FAM114A1: variants seen among roughly 807,000 people sequenced by gnomAD.
The protein encoded by FAM114A1 is protein NOXP20.
A neutral mutation model predicts 64.3 loss-of-function variants in FAM114A1; 62 were observed. The observed-to-expected ratio is 0.96, with a 90% confidence interval of 0.79 to 1.19. The LOEUF (loss-of-function observed/expected upper bound fraction) is 1.19, where lower values mean the gene tolerates loss of function less well. Ranked by LOEUF, FAM114A1 falls within the 50% of genes most tolerant of loss-of-function variation. The pLI is 0.00. For missense variants in FAM114A1, 645 were observed against 676.3 expected (o/e 0.95, Z 0.51); for synonymous variants, 254 against 251.1 (o/e 1.01, Z -0.11).
intron 12 of FAM114A1, among the ~76,000 whole-genome samples, chr4:38,934,842 A>C (rs867610363): frequency 6.6e-6 from 1 of 152,300 alleles, no homozygotes; most frequent in Middle Eastern, 3.4e-3. Flanking sequence ...TAAAAACATA[A>C]TCAAACTATC....
At chr4:38,920,328 G>C (rs146266505) in intron 8 of FAM114A1, among the ~76,000 whole-genome samples, 3 of 152,074 alleles carry the variant, frequency 2.0e-5, no homozygotes, top group Non-Finnish European at 4.4e-5. Flanking sequence ...AGATTTATAA[G>C]ACAGCCTCTC....
intron 4 of FAM114A1, 100 bp downstream of exon 4, chr4:38,891,930 C>A (rs1011623253): frequency 2.9e-5 from 30 of 1,019,034 alleles, no homozygotes; most frequent in Non-Finnish European, 3.8e-5. Context: ...AACATTAGCC[C>A]GTGAGCAAAC....
chr4:38,943,515 G>A lies in FAM114A1; in HGVS notation c.1650G>A (p.Gln550=). 1 of 1,614,048 alleles carries A rather than the reference G, an allele frequency of 6.2e-7. No individual in the cohort carries two copies. The highest frequency in any genetic ancestry group is 8.5e-7 in the Non-Finnish European group (1 of 1,179,974). The change falls in exon 15 of 15, where the codon CAG becomes CAA. Residue 550 remains glutamine (Q), a synonymous_variant. Coordinates refer to ENST00000358869, the MANE Select transcript of FAM114A1 (RefSeq NM_138389.4). The part of the protein sequence containing the change: ...DAFQLLLPVL[Q]VSHIQTSCLK... The stretch of plus-strand genomic sequence containing the variant: ...TCCAGCTGCTGCTGCCTGTTCTGCA[G>A]GTCTCACATATCCAGACCAGTTGTT...
rs780826343 is a variant in FAM114A1, at chr4:38,932,293, A to G, written c.1382A>G (p.Gln461Arg). The change falls in exon 12 of 15, where the codon CAG becomes CGG. Residue 461 changes from glutamine to arginine, a missense_variant. Coordinates refer to ENST00000358869, the MANE Select transcript of FAM114A1 (RefSeq NM_138389.4). ...LAEVTARCIE[Q>R]LHKVAELILH... ...GAGGTAACAGCGCGCTGTATTGAGCAGCTTCATAAAGTAGCAGAATTAATT... is the reference window on the plus strand; with the variant it reads ...GAGGTAACAGCGCGCTGTATTGAGCGGCTTCATAAAGTAGCAGAATTAATT... 7 of 1,614,002 alleles carry G rather than the reference A, an allele frequency of 4.3e-6. No homozygotes were observed. The highest frequency in any genetic ancestry group is 5.9e-6 in the Non-Finnish European group (7 of 1,179,984).
intron 2 of FAM114A1, among the ~76,000 whole-genome samples, chr4:38,872,959 T>C (rs1579283508): frequency 1.3e-5 from 2 of 152,248 alleles, no homozygotes; most frequent in African/African-American, 2.4e-5. Flanking sequence ...CTAGTCCTGA[T>C]TCAGAGAGAG....
intron 3 of FAM114A1, among the ~76,000 whole-genome samples, chr4:38,890,410 A>T (rs1219793213): frequency 1.3e-5 from 2 of 151,658 alleles, no homozygotes; most frequent in African/African-American, 4.8e-5. Flanking sequence ...TCAAAAAAAA[A>T]AACAAAAAAA....
intron 4 of FAM114A1, among the ~76,000 whole-genome samples, chr4:38,903,098 A>G (rs1717665266): frequency 6.6e-6 from 1 of 152,200 alleles, no homozygotes. Context: ...CTAACAAAAA[A>G]TTCAGAAAAA....
chr4:38,927,618 C>T (rs1720243918), intron 9 of FAM114A1, among the ~76,000 whole-genome samples: 1 of 152,126 alleles, frequency 6.6e-6, no homozygotes, highest in African/African-American at 2.4e-5. Flanking sequence ...CCCAGCTAGC[C>T]CTGTTTATAC....
At chr4:38,929,146 A>G (rs538686145) in intron 9 of FAM114A1, 96 bp from the exon 10 acceptor site, 1 of 929,974 alleles carries the variant, frequency 1.1e-6, no homozygotes, top group East Asian at 2.5e-5. Flanking sequence ...ACCTCCACTT[A>G]GTCTACCCCA....
intron 3 of FAM114A1, among the ~76,000 whole-genome samples, chr4:38,878,650 A>T (rs1714915779): frequency 6.6e-6 from 1 of 152,218 alleles, no homozygotes; most frequent in Admixed American, 6.5e-5. Flanking sequence ...GCCACCAATT[A>T]TCAGACACAA....
chr4:38,930,535 G>A (rs1055654601), intron 10 of FAM114A1, among the ~76,000 whole-genome samples: 4 of 152,092 alleles, frequency 2.6e-5, no homozygotes, highest in African/African-American at 9.7e-5. Context: ...TATTTGCTTA[G>A]GGTTAAATCT....
intron 4 of FAM114A1, among the ~76,000 whole-genome samples, chr4:38,892,121 T>A (rs552245109): frequency 1.3e-5 from 2 of 152,354 alleles, no homozygotes; most frequent in East Asian, 3.9e-4. Flanking sequence ...AAAAGCCAAG[T>A]AGTATGGCTT....
intron 9 of FAM114A1, among the ~76,000 whole-genome samples, chr4:38,923,876 T>A (rs1179395181): frequency 1.1e-4 from 17 of 152,196 alleles, no homozygotes; most frequent in Admixed American, 1.1e-3. Context: ...GGGTTGGGCA[T>A]GGTTAATGAT....
intron 13 of FAM114A1, among the ~76,000 whole-genome samples, chr4:38,936,725 G>A (rs528132675): frequency 2.0e-5 from 3 of 152,010 alleles, no homozygotes; most frequent in Admixed American, 1.3e-4. Flanking sequence ...GCTAACTTAT[G>A]TATTTTTAGT....
chr4:38,915,209 T>A, intron 8 of FAM114A1, 136 bp downstream of exon 8: 1 of 1,092,644 alleles, frequency 9.2e-7, no homozygotes, highest in Non-Finnish European at 1.3e-6. Context: ...AGAAATACTG[T>A]ACAATGGGAT....
chr4:38,883,208 G>A (rs1225667210), intron 3 of FAM114A1, among the ~76,000 whole-genome samples: 1 of 152,124 alleles, frequency 6.6e-6, no homozygotes. Flanking sequence ...CTAGTTGGGG[G>A]AAACATTGTT....
chr4:38,910,868 G>A (rs959746586), intron 7 of FAM114A1, among the ~76,000 whole-genome samples: 1 of 152,232 alleles, frequency 6.6e-6, no homozygotes, highest in Admixed American at 6.5e-5. Flanking sequence ...GTGATAGGGA[G>A]TAGGTGATAG....
intron 13 of FAM114A1, among the ~76,000 whole-genome samples, chr4:38,938,038 A>T (rs984937375): frequency 1.3e-5 from 2 of 152,134 alleles, no homozygotes; most frequent in African/African-American, 4.8e-5. Flanking sequence ...CGCCCGACCT[A>T]CACATACTTT....
At chr4:38,880,133 T>C (rs1404356407) in intron 3 of FAM114A1, among the ~76,000 whole-genome samples, 1 of 100,050 alleles carries the variant, frequency 1.0e-5, no homozygotes, top group African/African-American at 3.2e-5. Flanking sequence ...TAGAATAGAA[T>C]AGAATAGAAT....
Sources: allele counts gnomAD v4.1 joint callset (sites outside exome capture counted in the v4.1 genomes callset), GRCh38; gene constraint gnomAD v4.1.1; transcripts MANE v1.5; gene names NCBI Gene and HGNC (gene_info 2026-07-23, HGNC 2026-07-21).